CNTNAP2: variants seen among roughly 807,000 people sequenced by gnomAD.
CNTNAP2 encodes the protein contactin-associated protein-like 2.
CNTNAP2 carries 98 observed loss-of-function variants against 155.2 expected under a neutral mutation model. That is an observed-to-expected ratio of 0.63 (90% confidence interval 0.54 to 0.75). The LOEUF (loss-of-function observed/expected upper bound fraction) is 0.75, where lower values mean the gene tolerates loss of function less well. CNTNAP2 is among the 30% of genes least tolerant of loss of function. The pLI, the probability that CNTNAP2 is intolerant of heterozygous loss-of-function variation, is 0.00. For missense variants in CNTNAP2, 1,727 were observed against 1,688.1 expected (o/e 1.02, Z -0.40); for synonymous variants, 651 against 631.2 (o/e 1.03, Z -0.47).
chr7:146,560,622 A>G (rs1040534729), intron 1 of CNTNAP2, among the ~76,000 whole-genome samples: 1 of 152,100 alleles, frequency 6.6e-6, no homozygotes, highest in African/African-American at 2.4e-5. Context: ...GCCATATTAG[A>G]GTAGGAGAAA....
intron 11 of CNTNAP2, among the ~76,000 whole-genome samples, chr7:147,515,228 C>T (rs544395154): frequency 3.0e-4 from 46 of 152,222 alleles, no homozygotes; most frequent in African/African-American, 1.1e-3. Context: ...CTCTTGAAGA[C>T]CCACCTTAAC....
chr7:148,397,953 A>AGCTT (rs1389554947), intron 22 of CNTNAP2, among the ~76,000 whole-genome samples: 1 of 152,240 alleles, frequency 6.6e-6, no homozygotes, highest in African/African-American at 2.4e-5. Context: ...TTTAGCATGG[A>AGCTT]GCTTTTATAC....
intron 3 of CNTNAP2, among the ~76,000 whole-genome samples, chr7:146,960,201 A>G (rs1052581227): frequency 2.6e-5 from 4 of 152,232 alleles, no homozygotes; most frequent in African/African-American, 4.8e-5. Context: ...TCCCTGCTAC[A>G]TAACTACATT....
intron 1 of CNTNAP2, among the ~76,000 whole-genome samples, chr7:146,456,020 A>G (rs984460655): frequency 1.8e-4 from 27 of 152,308 alleles, no homozygotes; most frequent in African/African-American, 6.3e-4. Flanking sequence ...ATGCATACAT[A>G]TCACTCATCC....
intron 1 of CNTNAP2, among the ~76,000 whole-genome samples, chr7:146,638,644 C>T (rs1173093065): frequency 6.6e-6 from 1 of 151,582 alleles, no homozygotes; most frequent in Non-Finnish European, 1.5e-5. Context: ...GCCACCACAC[C>T]TGGCTAATTT....
intron 20 of CNTNAP2, among the ~76,000 whole-genome samples, chr7:148,260,505 T>C (rs1796539386): frequency 6.6e-6 from 1 of 152,250 alleles, no homozygotes; most frequent in Non-Finnish European, 1.5e-5. Context: ...ACCAGAACTA[T>C]ATCTGCAGTT....
intron 14 of CNTNAP2, among the ~76,000 whole-genome samples, chr7:147,941,581 C>G (rs1259919677): frequency 6.6e-6 from 1 of 152,182 alleles, no homozygotes; most frequent in Non-Finnish European, 1.5e-5. Flanking sequence ...CTGTGAATGG[C>G]AGTGGGTACA....
At chr7:146,686,138 T>C (rs1800594769) in intron 1 of CNTNAP2, among the ~76,000 whole-genome samples, 1 of 151,912 alleles carries the variant, frequency 6.6e-6, no homozygotes, top group Non-Finnish European at 1.5e-5. Context: ...CTTTACAAAA[T>C]AATTTTTTAA....
At chr7:146,815,590 T>A (rs1025454339) in intron 2 of CNTNAP2, among the ~76,000 whole-genome samples, 2 of 152,126 alleles carry the variant, frequency 1.3e-5, no homozygotes, top group East Asian at 1.9e-4. Flanking sequence ...CCATATATAT[T>A]TTTTAATTGG....
In CNTNAP2 at chr7:147,977,788, G is replaced by A. The variant is rs10253762; in HGVS notation, c.2256-74G>A. 105,484 of 1,589,874 alleles carry A rather than the reference G, an allele frequency of 0.066. 4,685 individuals are homozygous for A. The highest frequency in any genetic ancestry group is 0.2 in the African/African-American group (14,906 of 74,076). ...TACTGAAATGTCATCATTAGACAAC[G>A]TAAGCAACTAGCAGAAAATTCATAT... On this transcript the variant is annotated intron_variant, in intron 14 of 23. Coordinates refer to ENST00000361727, the MANE Select transcript of CNTNAP2 (RefSeq NM_014141.6).
chr7:146,428,919 A>G (rs1796133019), intron 1 of CNTNAP2, among the ~76,000 whole-genome samples: 1 of 151,770 alleles, frequency 6.6e-6, no homozygotes, highest in African/African-American at 2.4e-5. Flanking sequence ...TCTTGGGTTA[A>G]TTTTTCTATC....
chr7:147,120,377 C>T (rs2129282554), intron 5 of CNTNAP2, among the ~76,000 whole-genome samples: 1 of 152,262 alleles, frequency 6.6e-6, no homozygotes, highest in South Asian at 2.1e-4. Flanking sequence ...GCATTCTCAA[C>T]TTGTCCTGGA....
At chr7:146,829,031 T>C (rs1803460795) in intron 2 of CNTNAP2, among the ~76,000 whole-genome samples, 1 of 152,078 alleles carries the variant, frequency 6.6e-6, no homozygotes, top group African/African-American at 2.4e-5. Flanking sequence ...GGCTTTCATT[T>C]TTCTTGTCTC....
At chr7:146,207,646 T>TG (rs963873950) in intron 1 of CNTNAP2, among the ~76,000 whole-genome samples, 5 of 150,974 alleles carry the variant, frequency 3.3e-5, no homozygotes, top group African/African-American at 1.2e-4. Context: ...TGTTTTTTTT[T>TG]TTTTTTTTTT....
At chr7:147,592,284 C>A (rs1305967273) in intron 12 of CNTNAP2, among the ~76,000 whole-genome samples, 1 of 152,008 alleles carries the variant, frequency 6.6e-6, no homozygotes. Flanking sequence ...TACTCTAAAG[C>A]TAATATTCTA....
intron 1 of CNTNAP2, among the ~76,000 whole-genome samples, chr7:146,301,754 T>C (rs1563028066): frequency 6.6e-6 from 1 of 150,718 alleles, no homozygotes; most frequent in East Asian, 1.9e-4. Flanking sequence ...ACATTCACAG[T>C]GGTGCAAGGA....
intron 15 of CNTNAP2, among the ~76,000 whole-genome samples, chr7:147,981,786 G>GGTGTGTGT (rs57272792): frequency 3.5e-4 from 51 of 143,776 alleles, no homozygotes; most frequent in African/African-American, 1.2e-3. Flanking sequence ...TGTCCTTACA[G>GGTGTGTGT]GTGTGTGTGT....
intron 13 of CNTNAP2, among the ~76,000 whole-genome samples, chr7:147,806,827 T>C (rs851668): frequency 0.44 from 66,686 of 151,954 alleles, 16,976 homozygotes; most frequent in African/African-American, 0.72. Flanking sequence ...AGTAGAATGA[T>C]GGTTACCAGA....
At chr7:148,118,737 A>G (rs1804531684) in intron 16 of CNTNAP2, among the ~76,000 whole-genome samples, 1 of 152,160 alleles carries the variant, frequency 6.6e-6, no homozygotes, top group African/African-American at 2.4e-5. Flanking sequence ...GGCCACGGAG[A>G]CCACAGGACT....
Sources: allele counts gnomAD v4.1 joint callset (sites outside exome capture counted in the v4.1 genomes callset), GRCh38; gene constraint gnomAD v4.1.1; transcripts MANE v1.5; gene names NCBI Gene and HGNC (gene_info 2026-07-23, HGNC 2026-07-21).